The following USP6NL variants were observed in gnomAD, a reference collection of about 807,000 sequenced individuals.
USP6NL encodes the protein USP6 N-terminal like, also known as USP6 N-terminal-like protein.
USP6NL carries 26 observed loss-of-function variants against 61.9 expected under a neutral mutation model. The ratio of observed to expected loss-of-function variants is 0.42; its 90% CI spans 0.31 to 0.58. USP6NL has a LOEUF of 0.58. Among genes scored for constraint, USP6NL ranks in the 20% least tolerant of loss-of-function variants. USP6NL has a pLI of 0.16. For missense variants in USP6NL, 1,114 were observed against 1,034.3 expected, an observed-to-expected ratio of 1.08 and a Z score of -1.06; for synonymous variants, 432 against 390.1, an observed-to-expected ratio of 1.11 and a Z score of -1.27.
rs2096225616 is a variant in USP6NL, at chr10:11,463,351, CG to C, written c.1576del (p.Arg526GlyfsTer9). The C allele has an allele frequency of 1.2e-6, 2 of 1,613,842 alleles. No homozygotes were observed. The highest frequency in any genetic ancestry group is 2.7e-5 in the African/African-American group (2 of 74,924). ...CATCTTTGGCCGCACGTTTGACACC[CG>C]CACCTCGGCAGGACCTGGGACGGTA... Reference protein sequence around the residue: ...AVTVPGPAEVRVSNVRPKMKA... With the variant: ...AVTVPGPAEVXVSNVRPKMKA... On this transcript the variant is annotated frameshift_variant, in exon 15 of 15. Transcript: ENST00000609104. LOFTEE classifies it low-confidence loss of function (END_TRUNC). The surrounding 1 kb of genome is among the most constrained non-coding windows in gnomAD (Gnocchi z 6.3).
At chr10:11,584,680 T>C (rs1334244953) in intron 2 of USP6NL, among the ~76,000 whole-genome samples, 1 of 152,178 alleles carries the variant, frequency 6.6e-6, no homozygotes, top group African/African-American at 2.4e-5. Flanking sequence ...TCACAAACTG[T>C]AATCCCAGCA....
At chr10:11,578,214 C>G (rs543264513) in intron 2 of USP6NL, among the ~76,000 whole-genome samples, 4 of 152,186 alleles carry the variant, frequency 2.6e-5, no homozygotes, top group Non-Finnish European at 5.9e-5. Flanking sequence ...AGCAATCCGC[C>G]CGCCTCAGCC....
intron 13 of USP6NL, among the ~76,000 whole-genome samples, chr10:11,483,093 G>A (rs1359653658): frequency 6.6e-6 from 1 of 152,122 alleles, no homozygotes. Context: ...TACTCCTACT[G>A]TCTAACTGAA....
At position 11,602,286 on chromosome 10, in the gene USP6NL, G is replaced by T. The variant is rs368987970; in HGVS notation, c.-83-4569C>A. On this transcript the variant is annotated intron_variant, in intron 1 of 14. Coordinates refer to ENST00000609104, the MANE Select transcript of USP6NL (RefSeq NM_014688.5). The surrounding 1 kb of genome is among the most constrained non-coding windows in gnomAD (Gnocchi z 4.8). ...ACCAAGCTACATTTGTTTCCTCAAA[G>T]GCTATAACTCAATACTTAAATGATT... Among the ~76,000 whole-genome samples the T allele has an allele frequency of 6.6e-6, 1 of 151,984 alleles. No individual in the cohort carries two copies. Among genetic ancestry groups the T allele is most frequent in the South Asian group, 2.1e-4 (1 of 4,828 alleles).
At position 11,591,495 on chromosome 10, in the gene USP6NL, G is replaced by A. The variant is rs997289127; in HGVS notation, c.4+6136C>T. The stretch of plus-strand genomic sequence containing the variant: ...TTTAACTAGTAAAAATAATTCAGAA[G>A]CTTTACTAAGCTTATACTACTATAG... On this transcript the variant is annotated intron_variant, in intron 2 of 14. Transcript: ENST00000609104. This position sits in a 1 kb window ranked among gnomAD's most constrained non-coding sequence, Gnocchi z 4.7. Among the ~76,000 whole-genome samples, 1 of 151,962 alleles carries A rather than the reference G, an allele frequency of 6.6e-6. No individual in the cohort carries two copies. Among genetic ancestry groups the A allele is most frequent in the African/African-American group, 2.4e-5 (1 of 41,384 alleles).
At chr10:11,558,342 C>T (rs775911760) in intron 2 of USP6NL, among the ~76,000 whole-genome samples, 1 of 152,230 alleles carries the variant, frequency 6.6e-6, no homozygotes, top group Non-Finnish European at 1.5e-5. Context: ...CTGGCCCTTA[C>T]TAAAAAGGGT....
At chr10:11,493,400 C>A (rs1833784410) in intron 7 of USP6NL, among the ~76,000 whole-genome samples, 172 bp from the exon 8 acceptor site, 1 of 152,130 alleles carries the variant, frequency 6.6e-6, no homozygotes, top group African/African-American at 2.4e-5. Context: ...CTTTCCCTCC[C>A]CTCCATTCCC....
rs78984644 is a variant in USP6NL, at chr10:11,525,937, G to A, written c.73-469C>T. Among the ~76,000 whole-genome samples the A allele has an allele frequency of 5.3e-4, 81 of 152,300 alleles. No individual in the cohort carries two copies. The highest frequency in any genetic ancestry group is 1.9e-3 in the African/African-American group (80 of 41,558). ...CTTTACTTCACAGCTATGCCAGCCT[G>A]AAACTACTCTTGCCAAAGTCAAAAA... On this transcript the variant is annotated intron_variant, in intron 3 of 14. Transcript: ENST00000609104. The surrounding 1 kb of genome is among the most constrained non-coding windows in gnomAD (Gnocchi z 5.0).
chr10:11,524,747 T>C (rs1246684572), intron 4 of USP6NL, among the ~76,000 whole-genome samples: 2 of 152,164 alleles, frequency 1.3e-5, no homozygotes, highest in African/African-American at 4.8e-5. Context: ...TTAAATTGCA[T>C]GGAACTAAAG....
chr10:11,475,217 C>T (rs1194036124), intron 14 of USP6NL, among the ~76,000 whole-genome samples: 1 of 149,996 alleles, frequency 6.7e-6, no homozygotes, highest in Non-Finnish European at 1.5e-5. Context: ...GTACTAACTA[C>T]ATTTTAAGGT....
intron 8 of USP6NL, among the ~76,000 whole-genome samples, chr10:11,492,148 C>T (rs368909497): frequency 1.3e-5 from 2 of 152,226 alleles, no homozygotes; most frequent in African/African-American, 4.8e-5. Context: ...AGAATTAGCA[C>T]ATTTCAGCTG....
At chr10:11,608,434 C>T (rs1008689330) in intron 1 of USP6NL, among the ~76,000 whole-genome samples, 1 of 152,194 alleles carries the variant, frequency 6.6e-6, no homozygotes, top group Non-Finnish European at 1.5e-5. Context: ...GGGCTATGGA[C>T]GGAACTCATA....
intron 2 of USP6NL, among the ~76,000 whole-genome samples, chr10:11,543,760 G>A (rs1407375336): frequency 6.7e-6 from 1 of 149,790 alleles, no homozygotes; most frequent in Admixed American, 6.7e-5. Flanking sequence ...CTGCTACTAG[G>A]CTCCAGGTAA....
chr10:11,497,597 A>C (rs1444734050), intron 7 of USP6NL, among the ~76,000 whole-genome samples: 1 of 152,186 alleles, frequency 6.6e-6, no homozygotes, highest in Non-Finnish European at 1.5e-5. Flanking sequence ...AAAAGACCCA[A>C]ACGCATCTAT....
intron 2 of USP6NL, among the ~76,000 whole-genome samples, chr10:11,580,291 T>C (rs56209634): frequency 0.22 from 32,965 of 152,078 alleles, 4,192 homozygotes; most frequent in East Asian, 0.59. Context: ...CCTAATTAGA[T>C]AAATCAAAAT....
rs1482656369 is a variant in USP6NL, at chr10:11,574,958, C to T, written c.4+22673G>A. 6.6e-6 allele frequency among the ~76,000 whole-genome samples: 1 copy of T among 152,182 alleles called. No individual in the cohort carries two copies. Among genetic ancestry groups the T allele is most frequent in the African/African-American group, 2.4e-5 (1 of 41,442 alleles). On this transcript the variant is annotated intron_variant, in intron 2 of 14. Transcript: ENST00000609104. The surrounding 1 kb of genome is among the most constrained non-coding windows in gnomAD (Gnocchi z 4.3). ...GAAGTTTTCAGCTCTTCAGACACGACGTGCTACACCATGTACATATATACC... is the reference window on the plus strand; with the variant it reads ...GAAGTTTTCAGCTCTTCAGACACGATGTGCTACACCATGTACATATATACC...
chr10:11,549,478 T>C (rs1836408466), intron 2 of USP6NL, among the ~76,000 whole-genome samples: 1 of 152,232 alleles, frequency 6.6e-6, no homozygotes, highest in Admixed American at 6.5e-5. Flanking sequence ...AAGTATCTAC[T>C]ACTTTTTTCA....
chr10:11,520,117 C>T lies in USP6NL; in HGVS notation c.156-1543G>A, dbSNP rs17150485. Among the ~76,000 whole-genome samples, 71 of 152,278 alleles carry T rather than the reference C, an allele frequency of 4.7e-4. 1 individual carries two copies. The South Asian group carries it at 0.01, about 22-fold the overall frequency. Reference sequence around the variant, plus strand: ...AATACAACTAACATTTTCACTTAGTCGAGAGACTTTTAGCACTAATTCAGT... The same window carrying T: ...AATACAACTAACATTTTCACTTAGTTGAGAGACTTTTAGCACTAATTCAGT... On this transcript the variant is annotated intron_variant, in intron 4 of 14. Transcript: ENST00000609104. The surrounding 1 kb of genome is among the most constrained non-coding windows in gnomAD (Gnocchi z 5.2).
intron 2 of USP6NL, among the ~76,000 whole-genome samples, chr10:11,577,203 G>A (rs535085342): frequency 6.0e-4 from 91 of 151,636 alleles, no homozygotes; most frequent in African/African-American, 2.1e-3. Context: ...GACTACAGGC[G>A]CCTGCCACCA....
Sources: gnomAD v4.1 joint callset for allele counts (sites outside exome capture counted in the v4.1 genomes callset) on GRCh38, gnomAD v4.1.1 for gene constraint, Gnocchi (gnomAD v3.1) non-coding constraint, MANE v1.5 for transcripts, NCBI Gene and HGNC (gene_info 2026-07-23, HGNC 2026-07-21) for gene names.